PUS10: variants seen among roughly 807,000 people sequenced by gnomAD.
The protein encoded by PUS10 is tRNA pseudouridine synthase Pus10.
A neutral mutation model predicts 75.0 loss-of-function variants in PUS10; 59 were observed. That is an observed-to-expected ratio of 0.79 (90% CI 0.64 to 0.98). PUS10 has a LOEUF of 0.98. Ranked by LOEUF, PUS10 falls within the 50% of genes least tolerant of loss-of-function variation. The pLI, the probability that PUS10 is intolerant of heterozygous loss-of-function variation, is 0.00. For synonymous variants in PUS10, 219 were observed against 211.6 expected, an observed-to-expected ratio of 1.03 and a Z score of -0.30; for missense variants, 650 against 614.4, an observed-to-expected ratio of 1.06 and a Z score of -0.61.
rs1367045909 is a variant in PUS10 at position 60,941,380 on chromosome 2, G to C, written c.*1015C>G. ...CATAGCTGCCCCTTCACACAAACAG[G>C]TGCTCAGTAATAGGGCTTATTAGAA... On this transcript the variant is annotated 3_prime_UTR_variant, in exon 18 of 18. Coordinates refer to ENST00000316752, the MANE Select transcript of PUS10 (RefSeq NM_144709.4). 6.6e-6 allele frequency: 1 copy of C among 152,172 alleles called. No homozygotes were observed. The allele number at this position is 152,172 out of a possible 1,614,324, so 9.4% of individuals were successfully genotyped here.
intron 11 of PUS10, among the ~76,000 whole-genome samples, chr2:60,958,342 G>A (rs1003313425): frequency 6.6e-6 from 1 of 152,118 alleles, no homozygotes; most frequent in African/African-American, 2.4e-5. Flanking sequence ...GAAAATATTA[G>A]GGTGCTGGTA....
chr2:60,953,007 T>C lies in PUS10; in HGVS notation c.1298A>G (p.Asn433Ser), dbSNP rs1193189295. ...AIQKKDIEFL[N>S]DIKDLKIDQK... The stretch of plus-strand genomic sequence containing the variant: ...GCACACTTAAACTACCTTTATGTCA[T>C]TTAGGAATTCAATGTCTTTCTTCTG... Residue 433 changes from asparagine to serine, a missense_variant, in exon 15 of 18, where the codon AAT becomes AGT. Physicochemically the swap from Asn to Ser is conservative, Grantham distance 46. Coordinates refer to ENST00000316752, the MANE Select transcript of PUS10 (RefSeq NM_144709.4). 4 of 1,516,046 alleles carry C rather than the reference T, an allele frequency of 2.6e-6. No homozygotes were observed. In the South Asian group the frequency reaches 4.5e-5, roughly 17 times the overall value. 93.9% of individuals were successfully genotyped at this position (1,516,046 alleles called of 1,614,324 possible). A position where few individuals can be genotyped will look rare whatever the true frequency, so the allele number is the denominator to read the frequency against.
At chr2:60,946,321 A>G (rs1674941341) in intron 16 of PUS10, among the ~76,000 whole-genome samples, 1 of 152,240 alleles carries the variant, frequency 6.6e-6, no homozygotes, top group Non-Finnish European at 1.5e-5. Flanking sequence ...TAAATTTAGT[A>G]AGTGAAAAAT....
chr2:60,977,628 G>C (rs1315537212), intron 4 of PUS10, among the ~76,000 whole-genome samples: 1 of 152,102 alleles, frequency 6.6e-6, no homozygotes, highest in East Asian at 1.9e-4. Flanking sequence ...TATCATACAT[G>C]GGAAAGTATA....
At chr2:60,968,740 T>C (rs994075825) in intron 5 of PUS10, among the ~76,000 whole-genome samples, 11 of 152,096 alleles carry the variant, frequency 7.2e-5, no homozygotes, top group Non-Finnish European at 5.9e-5. Context: ...GCTGAGAATA[T>C]AACTTGTTAC....
Position 61,018,205 on chromosome 2 carries a change from G to A in PUS10, c.-213C>T. ...AAAGCGTAGACTTTGGTCTGTAGCA[G>A]TTGAGAGCGGCATTTGTCCAGCCAC... is the stretch of plus-strand genomic sequence containing the variant. On this transcript the variant is annotated 5_prime_UTR_variant, in exon 1 of 18. Transcript: ENST00000316752. The A allele has an allele frequency of 6.4e-7, 1 of 1,551,034 alleles. No homozygotes were observed. Among genetic ancestry groups the A allele is most frequent in the Non-Finnish European group, 8.7e-7 (1 of 1,146,926 alleles).
chr2:60,975,157 G>A (rs1676954356), intron 4 of PUS10, among the ~76,000 whole-genome samples: 1 of 152,100 alleles, frequency 6.6e-6, no homozygotes, highest in South Asian at 2.1e-4. Flanking sequence ...CTGTTTGTTT[G>A]TTTGTTTGAG....
intron 15 of PUS10, 61 bp from the exon 16 acceptor site, chr2:60,948,246 C>T: frequency 6.5e-7 from 1 of 1,540,052 alleles, no homozygotes; most frequent in Admixed American, 1.7e-5. Flanking sequence ...TGAATCCTGT[C>T]TTAGCCCTTC....
chr2:60,959,917 G>A (rs950595435), intron 11 of PUS10, among the ~76,000 whole-genome samples: 1 of 152,040 alleles, frequency 6.6e-6, no homozygotes, highest in African/African-American at 2.4e-5. Context: ...AGTGGCTCAT[G>A]CCTATAATCC....
chr2:60,981,760 G>A (rs2104495450), intron 4 of PUS10, among the ~76,000 whole-genome samples: 1 of 152,150 alleles, frequency 6.6e-6, no homozygotes, highest in Admixed American at 6.5e-5. Context: ...GGAGATACCT[G>A]GATTTTCATT....
intron 4 of PUS10, among the ~76,000 whole-genome samples, chr2:61,002,020 TA>T (rs1415506996): frequency 8.5e-5 from 13 of 152,332 alleles, no homozygotes; most frequent in African/African-American, 2.6e-4. Flanking sequence ...AATACACATT[TA>T]AAAGGCTATC....
At chr2:60,997,862 G>C (rs955721320) in intron 4 of PUS10, among the ~76,000 whole-genome samples, 1 of 152,142 alleles carries the variant, frequency 6.6e-6, no homozygotes, top group African/African-American at 2.4e-5. Context: ...GCTCAGAAAA[G>C]GCTTATTGAA....
At chr2:60,956,677 A>G (rs902172631) in intron 11 of PUS10, among the ~76,000 whole-genome samples, 1 of 152,212 alleles carries the variant, frequency 6.6e-6, no homozygotes, top group Non-Finnish European at 1.5e-5. Context: ...GATCTTTTAG[A>G]AAAATGTTTC....
chr2:60,961,321 G>C, intron 10 of PUS10, 142 bp downstream of exon 10: 1 of 676,866 alleles, frequency 1.5e-6, no homozygotes, highest in Non-Finnish European at 2.6e-6. Flanking sequence ...AATAAGTTTG[G>C]CTATTGATTC....
intron 4 of PUS10, among the ~76,000 whole-genome samples, chr2:60,975,496 T>G (rs564467865): frequency 6.6e-6 from 1 of 152,046 alleles, no homozygotes; most frequent in Non-Finnish European, 1.5e-5. Context: ...AAACCTAACT[T>G]TAGGTTTTAC....
At chr2:61,010,176 A>G (rs1249669492) in intron 2 of PUS10, 1 of 152,308 alleles carries the variant, frequency 6.6e-6, no homozygotes, top group Non-Finnish European at 1.5e-5. Flanking sequence ...CATATAATAG[A>G]TAATAGGTTA....
intron 4 of PUS10, among the ~76,000 whole-genome samples, chr2:60,996,185 T>C (rs1678447246): frequency 6.6e-6 from 1 of 152,224 alleles, no homozygotes; most frequent in South Asian, 2.1e-4. Flanking sequence ...CTGGGTGCTT[T>C]ATCTGTTGGG....
rs773903007 is a variant in PUS10 at position 60,945,059 on chromosome 2, T to C, written c.1501A>G (p.Ile501Val). The change falls in exon 17 of 18, where the codon ATT becomes GTT. Residue 501 changes from isoleucine (I) to valine (V), a missense_variant. Transcript: ENST00000316752. ...GCAGTCACATTCATCAGGGACCCAA[T>C]GTTTGGCTTGGTTCTCCCGAAGTCT... Reference protein sequence around the residue: ...HGDFGRTKPNIGSLMNVTADI... With the variant: ...HGDFGRTKPNVGSLMNVTADI... 11 of 1,614,148 alleles carry C rather than the reference T, an allele frequency of 6.8e-6. No individual in the cohort carries two copies. The highest frequency in any genetic ancestry group is 9.3e-6 in the Non-Finnish European group (11 of 1,179,974).
intron 5 of PUS10, among the ~76,000 whole-genome samples, chr2:60,971,246 A>G (rs887374822): frequency 2.0e-5 from 3 of 152,094 alleles, no homozygotes; most frequent in Admixed American, 6.5e-5. Context: ...ACTACATTAC[A>G]TAAGTGCCTA....
Sources: allele counts gnomAD v4.1 joint callset (sites outside exome capture counted in the v4.1 genomes callset), GRCh38; gene constraint gnomAD v4.1.1; transcripts MANE v1.5; gene names NCBI Gene and HGNC (gene_info 2026-07-23, HGNC 2026-07-21).